CRY1: variants seen among roughly 807,000 people sequenced by gnomAD.
CRY1 encodes the protein cryptochrome-1.
A neutral mutation model predicts 76.0 loss-of-function variants in CRY1; 45 were observed. The ratio of observed to expected loss-of-function variants is 0.59; its 90% CI spans 0.47 to 0.76. The LOEUF (loss-of-function observed/expected upper bound fraction) is 0.76. Ranked by LOEUF, CRY1 falls within the 30% of genes least tolerant of loss-of-function variation. CRY1 has a pLI of 0.00. For missense variants in CRY1, 587 were observed against 716.4 expected (o/e 0.82, Z 2.06); for synonymous variants, 248 against 244.0 (o/e 1.02, Z -0.15).
At position 107,076,743 on chromosome 12, in the gene CRY1, G is replaced by A. The variant is rs995052409; in HGVS notation, c.158+16061C>T. 4.6e-5 allele frequency among the ~76,000 whole-genome samples: 7 copies of A among 152,080 alleles called. No homozygotes were observed. In the South Asian group the frequency reaches 6.2e-4, roughly 13 times the overall value. On this transcript the variant is annotated intron_variant, in intron 1 of 12. Transcript: ENST00000008527. ...ATATTGAAATGTAATCCCCAGTGTT[G>A]GAGGTGGGGCCTACTGGGAGGTGAC...
intron 1 of CRY1, among the ~76,000 whole-genome samples, chr12:107,083,596 A>T (rs1451250440): frequency 2.6e-5 from 4 of 152,048 alleles, no homozygotes; most frequent in Admixed American, 2.6e-4. Flanking sequence ...AAAACCACAC[A>T]ATTATCTCAA....
intron 1 of CRY1, among the ~76,000 whole-genome samples, chr12:107,044,321 C>A (rs951523062): frequency 6.6e-6 from 1 of 152,168 alleles, no homozygotes; most frequent in African/African-American, 2.4e-5. Flanking sequence ...GCCTATGACA[C>A]CAAGAACATT....
chr12:107,001,289 C>T lies in CRY1; in HGVS notation c.675G>A (p.Leu225=), dbSNP rs1952306704. The T allele has an allele frequency of 6.2e-7, 1 of 1,612,614 alleles. No homozygotes were observed. The highest frequency in any genetic ancestry group is 1.3e-5 in the African/African-American group (1 of 74,842). The change falls in exon 5 of 13, where the codon TTG becomes TTA. Residue 225 remains leucine, a synonymous_variant. Transcript: ENST00000008527. ...ATCTACATTATCATACTTTTCTTTC[C>T]AAATGCCTTTCCAAACGAGTAAGTG... is the stretch of plus-strand genomic sequence containing the variant. ...TEALTRLERH[L]ERKAWVANFE...
At chr12:107,077,289 C>T (rs1953268311) in intron 1 of CRY1, among the ~76,000 whole-genome samples, 1 of 152,182 alleles carries the variant, frequency 6.6e-6, no homozygotes, top group African/African-American at 2.4e-5. Flanking sequence ...TCCTTTTTAA[C>T]ATTGTATGTT....
intron 12 of CRY1, chr12:106,992,236 C>A (rs1952187762): frequency 6.6e-6 from 1 of 152,094 alleles, no homozygotes; most frequent in Non-Finnish European, 1.5e-5. Flanking sequence ...ATTTAAATCA[C>A]AAAATGACAT....
At chr12:107,063,273 A>G (rs1953069426) in intron 1 of CRY1, among the ~76,000 whole-genome samples, 1 of 152,216 alleles carries the variant, frequency 6.6e-6, no homozygotes, top group Non-Finnish European at 1.5e-5. Context: ...AATGGCACTA[A>G]GTTTCTAGCT....
chr12:106,992,935 G>T (rs1451631073), intron 11 of CRY1, 30 bp downstream of exon 11: 1 of 1,613,900 alleles, frequency 6.2e-7, no homozygotes, highest in East Asian at 2.2e-5. Context: ...AAAGGAAAAA[G>T]AACAGTATGC....
rs1192989734 is a variant in CRY1 at position 107,046,328 on chromosome 12, A to G, written c.159-24136T>C. Among the ~76,000 whole-genome samples the G allele has an allele frequency of 3.3e-5, 5 of 152,168 alleles. No homozygotes were observed. The East Asian group carries it at 9.7e-4, about 29-fold the overall frequency. On this transcript the variant is annotated intron_variant, in intron 1 of 12. Transcript: ENST00000008527. ...AATGCTCAAAGGCATCCTACATCTAAAAACACAAAGACAATAATCACTATC... is the reference window on the plus strand; with the variant it reads ...AATGCTCAAAGGCATCCTACATCTAGAAACACAAAGACAATAATCACTATC...
intron 3 of CRY1, among the ~76,000 whole-genome samples, chr12:107,003,570 C>A (rs1364494285): frequency 3.3e-5 from 5 of 152,102 alleles, no homozygotes; most frequent in Admixed American, 6.6e-5. Flanking sequence ...AGAAAGCAAT[C>A]ACCATAAAAG....
intron 1 of CRY1, among the ~76,000 whole-genome samples, chr12:107,032,337 T>C (rs1007933713): frequency 3.3e-5 from 5 of 152,302 alleles, no homozygotes; most frequent in South Asian, 2.1e-4. Flanking sequence ...GTATTATCTC[T>C]GCATATTTTC....
intron 1 of CRY1, among the ~76,000 whole-genome samples, chr12:107,033,661 T>C (rs928883633): frequency 5.3e-5 from 8 of 152,022 alleles, no homozygotes; most frequent in African/African-American, 1.9e-4. Flanking sequence ...ACGAGATGTA[T>C]AAAGAGTAGC....
At chr12:107,071,246 A>G (rs774330057) in intron 1 of CRY1, among the ~76,000 whole-genome samples, 12 of 152,096 alleles carry the variant, frequency 7.9e-5, no homozygotes, top group African/African-American at 1.2e-4. Flanking sequence ...CTGACTTTTG[A>G]GCTGATTTGG....
intron 1 of CRY1, among the ~76,000 whole-genome samples, chr12:107,028,753 T>G (rs1176671811): frequency 1.3e-5 from 2 of 152,318 alleles, no homozygotes; most frequent in East Asian, 3.9e-4. Flanking sequence ...CAAAACAGAC[T>G]AACACAGTTG....
At chr12:107,012,658 CA>C (rs1332208547) in intron 2 of CRY1, among the ~76,000 whole-genome samples, 1 of 152,200 alleles carries the variant, frequency 6.6e-6, no homozygotes, top group East Asian at 1.9e-4. Context: ...ATAGCTGCCA[CA>C]GACAGTGATT....
chr12:107,042,374 C>T (rs867683789), intron 1 of CRY1, among the ~76,000 whole-genome samples: 4 of 152,244 alleles, frequency 2.6e-5, no homozygotes, highest in Non-Finnish European at 5.9e-5. Flanking sequence ...AGTAATTTTA[C>T]AGCTGAGAAA....
Position 107,001,935 on chromosome 12 carries a change from T to C in CRY1, c.424A>G (p.Asn142Asp). The C allele has an allele frequency of 6.3e-7, 1 of 1,592,606 alleles. No individual in the cohort carries two copies. Among genetic ancestry groups the C allele is most frequent in the Non-Finnish European group, 8.5e-7 (1 of 1,173,968 alleles). Residue 142 changes from asparagine (N) to aspartate (D), a missense_variant, in exon 4 of 13, where the codon AAT (asparagine) becomes GAT (aspartate). Asn to Asp is a conservative substitution (Grantham distance 23). Transcript: ENST00000008527. ...TAAGTTAGAGGCGGTTGTCCACCAT[T>C]GAGTTCTATGATCCTATAACAAGAG... ...LYDLDKIIEL[N>D]GGQPPLTYKR...
At chr12:107,045,773 C>T (rs1272899219) in intron 1 of CRY1, among the ~76,000 whole-genome samples, 1 of 151,392 alleles carries the variant, frequency 6.6e-6, no homozygotes, top group Non-Finnish European at 1.5e-5. Context: ...AACACTTGGA[C>T]ACAGGAAGGG....
rs148614240 is a variant in CRY1 at position 107,022,151 on chromosome 12, C to T, written c.200G>A (p.Arg67Gln). The change falls in exon 2 of 13, where the codon CGA (arginine) becomes CAA (glutamine). Residue 67 changes from arginine (R) to glutamine (Q), a missense_variant. Arg to Gln is a conservative substitution (Grantham distance 43). Coordinates refer to ENST00000008527, the MANE Select transcript of CRY1 (RefSeq NM_004075.5). ...CACAAACAGACGGGAGTTTAATTTT[C>T]GTAGATTGGCATCAAGATCCTCAAG... ...QCLEDLDANL[R>Q]KLNSRLFVIR... 2.0e-5 allele frequency: 32 copies of T among 1,600,850 alleles called. No individual in the cohort carries two copies. The highest frequency in any genetic ancestry group is 1.2e-4 in the South Asian group (11 of 88,746).
intron 1 of CRY1, among the ~76,000 whole-genome samples, chr12:107,064,819 T>C (rs1354912245): frequency 5.9e-5 from 9 of 152,132 alleles, no homozygotes; most frequent in Non-Finnish European, 1.3e-4. Flanking sequence ...ACAAATGGAA[T>C]AGAAAAAGTA....
Sources: gnomAD v4.1 joint callset for allele counts (sites outside exome capture counted in the v4.1 genomes callset) on GRCh38, gnomAD v4.1.1 for gene constraint, MANE v1.5 for transcripts, NCBI Gene and HGNC (gene_info 2026-07-23, HGNC 2026-07-21) for gene names.